Variants in PDE3B observed in about 807,000 individuals in gnomAD.
The protein encoded by PDE3B is phosphodiesterase 3B, also known as cGMP-inhibited 3',5'-cyclic phosphodiesterase 3B.
Under a neutral mutation model 116.8 loss-of-function variants are expected in PDE3B, and 66 were observed. That is an observed-to-expected ratio of 0.56 (90% CI 0.46 to 0.69). PDE3B has a LOEUF of 0.69. PDE3B is among the 30% of genes least tolerant of loss of function. The probability of loss-of-function intolerance (pLI) is 0.00; values close to 1 mark genes in which losing one functional copy is unlikely to be tolerated. For missense variants in PDE3B, 1,384 were observed against 1,368.1 expected, an observed-to-expected ratio of 1.01 and a Z score of -0.18; for synonymous variants, 595 against 533.6, an observed-to-expected ratio of 1.12 and a Z score of -1.59.
chr11:14,774,254 C>T (rs1459354763), intron 2 of PDE3B: 1 of 152,136 alleles, frequency 6.6e-6, no homozygotes, highest in East Asian at 1.9e-4. Flanking sequence ...CTGATACAAA[C>T]CAGTCCCTCT....
intron 15 of PDE3B, among the ~76,000 whole-genome samples, chr11:14,868,004 T>TTAATAACTGCATA (rs1440031895): frequency 6.6e-6 from 1 of 152,138 alleles, no homozygotes; most frequent in African/African-American, 2.4e-5. Context: ...TATTCAACCT[T>TTAATAACTGCATA]TAATAACTGC....
intron 5 of PDE3B, among the ~76,000 whole-genome samples, chr11:14,805,020 A>G (rs1317484234): frequency 6.6e-6 from 1 of 152,194 alleles, no homozygotes; most frequent in African/African-American, 2.4e-5. Context: ...AAAGTTTAAA[A>G]GACATATGGG....
At chr11:14,746,767 A>C (rs1041798354) in intron 1 of PDE3B, among the ~76,000 whole-genome samples, 1 of 152,232 alleles carries the variant, frequency 6.6e-6, no homozygotes, top group Admixed American at 6.5e-5. Context: ...CCCAGAAAGC[A>C]TGAGTGAGGC....
At chr11:14,646,306 A>G (rs566892795) in intron 1 of PDE3B, among the ~76,000 whole-genome samples, 1 of 152,064 alleles carries the variant, frequency 6.6e-6, no homozygotes, top group South Asian at 2.1e-4. Flanking sequence ...AAGCTACTAC[A>G]TTGGTTTTAT....
At chr11:14,859,350 G>A (rs1847906089) in intron 13 of PDE3B, 104 bp downstream of exon 13, 1 of 693,544 alleles carries the variant, frequency 1.4e-6, no homozygotes. Context: ...TACTTAGGAA[G>A]TAACAATAAA....
At chr11:14,680,131 G>C (rs1854656601) in intron 1 of PDE3B, among the ~76,000 whole-genome samples, 1 of 152,298 alleles carries the variant, frequency 6.6e-6, no homozygotes, top group South Asian at 2.1e-4. Flanking sequence ...ACCCCAAAGA[G>C]GGATGCCCCA....
At chr11:14,694,571 T>C (rs990775018) in intron 1 of PDE3B, among the ~76,000 whole-genome samples, 4 of 152,206 alleles carry the variant, frequency 2.6e-5, no homozygotes, top group Non-Finnish European at 5.9e-5. Context: ...GATTAAGGTA[T>C]GTACATTGTT....
At chr11:14,737,980 G>T (rs1253288518) in intron 1 of PDE3B, among the ~76,000 whole-genome samples, 1 of 152,086 alleles carries the variant, frequency 6.6e-6, no homozygotes, top group African/African-American at 2.4e-5. Flanking sequence ...AGTATTCCAT[G>T]GTGTATATGT....
chr11:14,763,206 A>G (rs1857408993), intron 1 of PDE3B, among the ~76,000 whole-genome samples: 1 of 152,160 alleles, frequency 6.6e-6, no homozygotes, highest in Non-Finnish European at 1.5e-5. Flanking sequence ...GGAGAATGTA[A>G]TACTCCAGAA....
In PDE3B at chr11:14,871,026, C is replaced by CTAT. The variant is rs1555008977; in HGVS notation, c.*1374_*1376dup. The CTAT allele has an allele frequency of 3.3e-5, 5 of 152,060 alleles. No homozygotes were observed. The East Asian group carries it at 9.6e-4, about 29-fold the overall frequency. 9.4% of individuals were successfully genotyped at this position (152,060 alleles called of 1,614,324 possible). A position where few individuals can be genotyped will look rare whatever the true frequency, so the allele number is the denominator to read the frequency against. ...TGGCAAAATGGTAGGCTAATATTTT[C>CTAT]TATTATTATTGGAGAACATATCATA... On this transcript the variant is annotated 3_prime_UTR_variant, in exon 16 of 16. Coordinates refer to ENST00000282096, the MANE Select transcript of PDE3B (RefSeq NM_000922.4).
intron 10 of PDE3B, among the ~76,000 whole-genome samples, chr11:14,833,165 C>G (rs1859952415): frequency 6.6e-6 from 1 of 152,088 alleles, no homozygotes; most frequent in African/African-American, 2.4e-5. Context: ...GTTGGCCAGG[C>G]TGGTGCTGAA....
intron 2 of PDE3B, among the ~76,000 whole-genome samples, chr11:14,785,517 A>G (rs1214935076): frequency 2.6e-5 from 4 of 152,100 alleles, no homozygotes; most frequent in Admixed American, 2.0e-4. Context: ...ATAATTATTA[A>G]TTGCAAACAT....
chr11:14,802,587 T>C (rs544948579), intron 4 of PDE3B, among the ~76,000 whole-genome samples: 1 of 152,298 alleles, frequency 6.6e-6, no homozygotes, highest in African/African-American at 2.4e-5. Context: ...TGGAGCTCTT[T>C]CTATTCAACC....
At chr11:14,736,314 C>G (rs1417643808) in intron 1 of PDE3B, among the ~76,000 whole-genome samples, 2 of 152,144 alleles carry the variant, frequency 1.3e-5, no homozygotes, top group Non-Finnish European at 2.9e-5. Flanking sequence ...GAGTTAAAAG[C>G]TGGTTGAAGT....
intron 1 of PDE3B, chr11:14,673,561 ATAAG>A (rs949193955): frequency 7.0e-5 from 36 of 515,336 alleles, no homozygotes; most frequent in African/African-American, 4.2e-4. Flanking sequence ...AGATCCAAAC[ATAAG>A]TGAGTGAGAG....
chr11:14,705,427 T>G (rs1590075312), intron 1 of PDE3B, among the ~76,000 whole-genome samples: 1 of 151,796 alleles, frequency 6.6e-6, no homozygotes, highest in East Asian at 1.9e-4. Flanking sequence ...ATATGAGATT[T>G]TAGAAATCAA....
chr11:14,848,861 C>T (rs971155639), intron 12 of PDE3B, among the ~76,000 whole-genome samples: 1 of 152,200 alleles, frequency 6.6e-6, no homozygotes, highest in Non-Finnish European at 1.5e-5. Context: ...AATGGAAGAA[C>T]ATTCCATGCT....
At chr11:14,777,986 C>T (rs141137047) in intron 2 of PDE3B, among the ~76,000 whole-genome samples, 7 of 152,170 alleles carry the variant, frequency 4.6e-5, no homozygotes, top group African/African-American at 7.2e-5. Context: ...GCTTTTCCAA[C>T]GGTCTTAGCA....
chr11:14,874,691 A>G (rs1349815477), downstream of PDE3B, among the ~76,000 whole-genome samples: 1 of 152,172 alleles, frequency 6.6e-6, no homozygotes, highest in East Asian at 1.9e-4. Flanking sequence ...TATCTTTTGA[A>G]TTCTAACTAT....
Sources: gnomAD v4.1 joint callset for allele counts (sites outside exome capture counted in the v4.1 genomes callset) on GRCh38, gnomAD v4.1.1 for gene constraint, MANE v1.5 for transcripts, NCBI Gene and HGNC (gene_info 2026-07-23, HGNC 2026-07-21) for gene names.